PARP4: variants seen among roughly 807,000 people sequenced by gnomAD.
The protein encoded by PARP4 is protein mono-ADP-ribosyltransferase PARP4.
Under a neutral mutation model 187.7 loss-of-function variants are expected in PARP4, and 120 were observed. The ratio of observed to expected loss-of-function variants is 0.64; its 90% CI spans 0.55 to 0.74. PARP4 has a LOEUF of 0.74. PARP4 is among the 30% of genes least tolerant of loss of function. The pLI, the probability that PARP4 is intolerant of heterozygous loss-of-function variation, is 0.00. For synonymous variants in PARP4, 654 were observed against 740.9 expected, an observed-to-expected ratio of 0.88 and a Z score of 1.90; for missense variants, 1,836 against 2,070.5, an observed-to-expected ratio of 0.89 and a Z score of 2.20.
In PARP4 at chr13:24,421,116, G is replaced by T; in HGVS notation, c.*3C>A. The T allele has an allele frequency of 7.3e-7, 1 of 1,375,346 alleles. No homozygotes were observed. The highest frequency in any genetic ancestry group is 9.7e-7 in the Non-Finnish European group (1 of 1,026,812). 85.2% of individuals were successfully genotyped at this position (1,375,346 alleles called of 1,614,324 possible). ...AAAAGTTTAAAATTCAGTTTCATTT[G>T]ACTTAGCCTTGACTGTAATGGAGGA... On this transcript the variant is annotated 3_prime_UTR_variant, in exon 34 of 34. Transcript: ENST00000381989.
At position 24,434,547 on chromosome 13, in the gene PARP4, G is replaced by A. The variant is rs1475036720; in HGVS notation, c.4594C>T (p.Leu1532Phe). 1 of 1,613,886 alleles carries A rather than the reference G, an allele frequency of 6.2e-7. No individual in the cohort carries two copies. The highest frequency in any genetic ancestry group is 2.2e-5 in the East Asian group (1 of 44,878). ...DTESDELSEV[L>F]QDSCFLQIKC... ...ATTTGTAAAAAGCAGCTGTCTTGAAGTACTTCTGATAGCTCATCACTTTCT... is the reference window on the plus strand; with the variant it reads ...ATTTGTAAAAAGCAGCTGTCTTGAAATACTTCTGATAGCTCATCACTTTCT... Residue 1532 changes from leucine (L) to phenylalanine (F), a missense_variant, in exon 31 of 34, where the codon CTT becomes TTT. This residue lies in a region of PARP4 where 450 missense variants were observed against 439.2 expected (regional missense o/e 1.02). Coordinates refer to ENST00000381989, the MANE Select transcript of PARP4 (RefSeq NM_006437.4).
At chr13:24,485,382 T>C (rs192277395) in intron 11 of PARP4, among the ~76,000 whole-genome samples, 48 of 152,338 alleles carry the variant, frequency 3.2e-4, no homozygotes, top group Non-Finnish European at 6.3e-4. Context: ...AAAAATCTTA[T>C]TGGTAATTTT....
intron 9 of PARP4, among the ~76,000 whole-genome samples, chr13:24,491,828 C>T (rs1446888026): frequency 1.3e-5 from 2 of 152,240 alleles, no homozygotes; most frequent in Non-Finnish European, 2.9e-5. Flanking sequence ...GTGCACATGA[C>T]TTCATTCTGA....
chr13:24,452,958 G>A (rs1871607464), intron 23 of PARP4, among the ~76,000 whole-genome samples: 1 of 151,658 alleles, frequency 6.6e-6, no homozygotes, highest in Admixed American at 6.6e-5. Context: ...TCTTTGAGAT[G>A]GAGTCTCGCT....
chr13:24,506,358 T>C (rs1869675301), intron 1 of PARP4, among the ~76,000 whole-genome samples: 2 of 152,128 alleles, frequency 1.3e-5, no homozygotes, highest in African/African-American at 4.8e-5. Flanking sequence ...CAAAATTTAC[T>C]GCAAGGAGTG....
chr13:24,420,939 G>A lies in PARP4; in HGVS notation c.*180C>T. 3 of 587,102 alleles carry A rather than the reference G, an allele frequency of 5.1e-6. No individual in the cohort carries two copies. The highest frequency in any genetic ancestry group is 7.3e-6 in the Non-Finnish European group (3 of 408,730). 36.4% of individuals were successfully genotyped at this position (587,102 alleles called of 1,614,324 possible). A position where few individuals can be genotyped will look rare whatever the true frequency, so the allele number is the denominator to read the frequency against. On this transcript the variant is annotated 3_prime_UTR_variant, in exon 34 of 34. Coordinates refer to ENST00000381989, the MANE Select transcript of PARP4 (RefSeq NM_006437.4). ...GACACAGAAAACTGAAATATTTTAA[G>A]TTTCATTTTATTATTGCTTGTTAGT... is the stretch of plus-strand genomic sequence containing the variant.
intron 7 of PARP4, among the ~76,000 whole-genome samples, chr13:24,493,939 G>A (rs73154369): frequency 2.0e-5 from 3 of 151,462 alleles, no homozygotes; most frequent in Admixed American, 6.6e-5. Flanking sequence ...CCTCCTACCC[G>A]CTTTTCTTCC....
Position 24,449,816 on chromosome 13 carries a change from A to C in PARP4, c.3016T>G (p.Ser1006Ala), listed in dbSNP as rs1329622142. Reference sequence around the variant, plus strand: ...CTTAAGACGTGACGATTTGCTGTAGAACTGATCACATTTCACATGTTTTAA... The same window carrying C: ...CTTAAGACGTGACGATTTGCTGTAGCACTGATCACATTTCACATGTTTTAA... The part of the protein sequence containing the change: ...HTRLFACGIG[S>A]TANRHVLRIL... Residue 1006 changes from serine to alanine, a missense_variant and splice_region_variant, in exon 25 of 34, where the codon TCT (serine) becomes GCT (alanine). Physicochemically the swap from Ser to Ala is moderately conservative, Grantham distance 99. Around this residue, in one of 8 missense-constraint regions of PARP4, gnomAD observed 1,147 missense variants for 1,214.2 expected, o/e 0.94. Transcript: ENST00000381989. 3 of 1,559,960 alleles carry C rather than the reference A, an allele frequency of 1.9e-6. No homozygotes were observed. The highest frequency in any genetic ancestry group is 2.6e-6 in the Non-Finnish European group (3 of 1,132,200).
chr13:24,512,122 C>T (rs764564046), intron 1 of PARP4, among the ~76,000 whole-genome samples: 1 of 152,162 alleles, frequency 6.6e-6, no homozygotes, highest in Non-Finnish European at 1.5e-5. Flanking sequence ...TATTTAGCAG[C>T]GCCTTAGTTT....
chr13:24,468,876 T>C, intron 17 of PARP4, 148 bp downstream of exon 17: 1 of 600,540 alleles, frequency 1.7e-6, no homozygotes, highest in South Asian at 2.3e-5. Flanking sequence ...CTGACTGGCG[T>C]GGCTTCCCCT....
chr13:24,473,220 C>T (rs7319207), intron 15 of PARP4, among the ~76,000 whole-genome samples: 77,360 of 151,850 alleles, frequency 0.51, 20,020 homozygotes, highest in South Asian at 0.65. Flanking sequence ...ACCACCGCAC[C>T]GGCCACCACC....
rs749734441 is a variant in PARP4, at chr13:24,469,911, TC to T, written c.2028del (p.Lys677SerfsTer3). 4 of 1,613,564 alleles carry T rather than the reference TC, an allele frequency of 2.5e-6. No homozygotes were observed. The highest frequency in any genetic ancestry group is 3.4e-6 in the Non-Finnish European group (4 of 1,179,726). On this transcript the variant is annotated frameshift_variant, in exon 16 of 34. Transcript: ENST00000381989. LOFTEE classifies it high-confidence loss of function. Reference protein sequence around the residue: ...AVCGFEAFINGKHIVGEIKEK... With the variant: ...AVCGFEAFINXKHIVGEIKEK... ...TGCCTTACCTCTCCAACTATGTGCT[TC>T]CCATTGATGAAGGCTTCGAAGCCAC...
At chr13:24,486,893 T>G (rs1199845208) in intron 10 of PARP4, among the ~76,000 whole-genome samples, 2 of 144,188 alleles carry the variant, frequency 1.4e-5, no homozygotes, top group African/African-American at 5.2e-5. Context: ...GGGGGTGGTG[T>G]AGAGGTTGCA....
chr13:24,470,915 G>C (rs2902360), intron 15 of PARP4, among the ~76,000 whole-genome samples: 1 of 151,828 alleles, frequency 6.6e-6, no homozygotes, highest in African/African-American at 2.4e-5. Context: ...GCACCGTCCT[G>C]GAGACAGAAT....
At chr13:24,432,179 T>A (rs531326851) in intron 31 of PARP4, among the ~76,000 whole-genome samples, 1 of 146,576 alleles carries the variant, frequency 6.8e-6, no homozygotes, top group African/African-American at 2.5e-5. Context: ...AGGATCTCCA[T>A]CAGCTTGAAC....
At chr13:24,445,569 C>A (rs1871168773) in intron 27 of PARP4, among the ~76,000 whole-genome samples, 1 of 152,226 alleles carries the variant, frequency 6.6e-6, no homozygotes, top group African/African-American at 2.4e-5. Flanking sequence ...TGCACCCCAA[C>A]TGTATGTTAG....
chr13:24,459,955 A>G lies in PARP4; in HGVS notation c.2298+17T>C, dbSNP rs1483353240. On this transcript the variant is annotated intron_variant, in intron 18 of 33. Coordinates refer to ENST00000381989, the MANE Select transcript of PARP4 (RefSeq NM_006437.4). ...CACTGCTGCCAAAATGCTTCTTCAA[A>G]TCTTATGCGTACAAACCTGAAGGTT... 1 of 1,607,078 alleles carries G rather than the reference A, an allele frequency of 6.2e-7. No individual in the cohort carries two copies. The highest frequency in any genetic ancestry group is 8.5e-7 in the Non-Finnish European group (1 of 1,176,476).
intron 32 of PARP4, 58 bp downstream of exon 32, chr13:24,431,319 A>C: frequency 2.0e-5 from 18 of 891,464 alleles, no homozygotes; most frequent in Non-Finnish European, 2.9e-5. Flanking sequence ...AACAATTAGG[A>C]GCATGCTTAT....
chr13:24,432,430 A>T (rs1236234449), intron 31 of PARP4, among the ~76,000 whole-genome samples: 1 of 152,202 alleles, frequency 6.6e-6, no homozygotes, highest in Non-Finnish European at 1.5e-5. Context: ...ATACAACTTG[A>T]TGTGTTTGGA....
Sources: gnomAD v4.1 joint callset for allele counts (sites outside exome capture counted in the v4.1 genomes callset) on GRCh38, gnomAD v4.1.1 for gene constraint, gnomAD v4.1.1 regional missense constraint, MANE v1.5 for transcripts, NCBI Gene and HGNC (gene_info 2026-07-23, HGNC 2026-07-21) for gene names.